CCDC30: variants seen among roughly 807,000 people sequenced by gnomAD.
CCDC30 encodes the protein coiled-coil domain-containing protein 30.
In CCDC30, 70 loss-of-function variants were observed where a neutral mutation model predicts 100.2. The ratio of observed to expected loss-of-function variants is 0.70; its 90% CI spans 0.58 to 0.85. The LOEUF is 0.85. Ranked by LOEUF, CCDC30 falls within the 40% of genes least tolerant of loss-of-function variation. CCDC30 has a pLI of 0.00. For missense variants in CCDC30, 652 were observed against 771.2 expected, an observed-to-expected ratio of 0.85 and a Z score of 1.83; for synonymous variants, 233 against 269.5, an observed-to-expected ratio of 0.86 and a Z score of 1.33.
At chr1:42,597,742 A>G (rs1389050546) in intron 10 of CCDC30, among the ~76,000 whole-genome samples, 2 of 152,152 alleles carry the variant, frequency 1.3e-5, no homozygotes, top group Admixed American at 6.6e-5. Context: ...ACTTTCAAAT[A>G]ACACTATACC....
intron 6 of CCDC30, chr1:42,500,324 C>A (rs912609841): frequency 6.2e-6 from 10 of 1,608,254 alleles, no homozygotes; most frequent in East Asian, 4.5e-5. Context: ...TCAGCCATAT[C>A]GGGTTTGTCA....
exon 5 of CCDC30, chr1:42,497,176 G>C: frequency 2.4e-6 from 3 of 1,234,150 alleles, no homozygotes; most frequent in South Asian, 4.1e-5. Flanking sequence ...AATAGGGTTC[G>C]ATCACTTGAC....
At chr1:42,548,307 T>C (rs1213794542) in intron 6 of CCDC30, among the ~76,000 whole-genome samples, 1 of 152,212 alleles carries the variant, frequency 6.6e-6, no homozygotes, top group East Asian at 1.9e-4. Context: ...GAATAGATGA[T>C]ATTCTTTAGT....
chr1:42,482,717 G>C (rs1015746206), exon 3 of CCDC30: 1 of 1,234,078 alleles, frequency 8.1e-7, no homozygotes, highest in Non-Finnish European at 1.0e-6. Flanking sequence ...CCTAGGAAGA[G>C]GAATGGAACA....
chr1:42,555,314 C>A (rs118058607), intron 6 of CCDC30, among the ~76,000 whole-genome samples: 1 of 152,214 alleles, frequency 6.6e-6, no homozygotes, highest in Non-Finnish European at 1.5e-5. Context: ...CCTTCCCCAA[C>A]GTCCATACAC....
intron 1 of CCDC30, chr1:42,473,394 T>C: frequency 2.7e-6 from 2 of 728,606 alleles, no homozygotes; most frequent in Non-Finnish European, 1.9e-6. Context: ...AATGTTTGGC[T>C]ATCACTGTAT....
intron 9 of CCDC30, among the ~76,000 whole-genome samples, chr1:42,584,818 C>A (rs1354101148): frequency 1.3e-5 from 2 of 152,100 alleles, no homozygotes; most frequent in East Asian, 1.9e-4. Context: ...TGAGTTTGAA[C>A]CTGTTCATGA....
chr1:42,646,043 A>C, intron 14 of CCDC30, 92 bp from the exon 19 acceptor site: 2 of 1,464,744 alleles, frequency 1.4e-6, no homozygotes, highest in East Asian at 2.3e-5. Flanking sequence ...ATAGCACATC[A>C]AACTCAATAT....
rs556270816 is a variant in CCDC30 at position 42,550,989 on chromosome 1, A to T, written c.457-15307A>T. Among the ~76,000 whole-genome samples the T allele has an allele frequency of 2.0e-5, 3 of 152,140 alleles. No homozygotes were observed. In the South Asian group the frequency reaches 6.2e-4, roughly 32 times the overall value. On this transcript the variant is annotated intron_variant, in intron 6 of 16. Transcript: ENST00000668663. ...TTTTATTTTTTATTCATTTTTTATT[A>T]TACTTTAAGTTCTAGGGTACATGTG... is the stretch of plus-strand genomic sequence containing the variant.
rs1173671305 is a variant in CCDC30 at position 42,638,519 on chromosome 1, A to AT, written c.1419+1142dup. Among the ~76,000 whole-genome samples the AT allele has an allele frequency of 1.1e-4, 16 of 151,412 alleles. 1 individual carries two copies. The East Asian group carries it at 2.1e-3, about 20-fold the overall frequency. ...ACTAGGAAAAGACTATGGAAAGTGT[A>AT]TAAGAAAAAGTAGTAATCCATTTTA... is the stretch of plus-strand genomic sequence containing the variant. On this transcript the variant is annotated intron_variant, in intron 12 of 16. Transcript: ENST00000668663.
At chr1:42,582,905 T>C (rs1645995312) in intron 9 of CCDC30, among the ~76,000 whole-genome samples, 1 of 152,244 alleles carries the variant, frequency 6.6e-6, no homozygotes, top group Non-Finnish European at 1.5e-5. Context: ...CTCCTGTCTG[T>C]AGCTAATCTG....
chr1:42,650,280 T>C (rs898709686), intron 15 of CCDC30, among the ~76,000 whole-genome samples: 1 of 151,846 alleles, frequency 6.6e-6, no homozygotes, highest in Admixed American at 6.6e-5. Context: ...CCCAGGAGTT[T>C]GAGACCAGCT....
intron 11 of CCDC30, among the ~76,000 whole-genome samples, chr1:42,618,785 T>G (rs1051474785): frequency 2.6e-5 from 4 of 152,204 alleles, no homozygotes; most frequent in African/African-American, 9.7e-5. Flanking sequence ...CATGTTTCCC[T>G]TATCCACATA....
chr1:42,543,883 G>C (rs143973478), intron 6 of CCDC30, among the ~76,000 whole-genome samples: 2 of 152,270 alleles, frequency 1.3e-5, no homozygotes, highest in Admixed American at 1.3e-4. Context: ...ATCTCTTAAA[G>C]TAAACTTAAA....
intron 3 of CCDC30, chr1:42,483,025 T>G (rs1643990564): frequency 2.8e-6 from 1 of 355,792 alleles, no homozygotes; most frequent in Non-Finnish European, 5.0e-6. Context: ...CTTGTAAGTG[T>G]ATACCACTCA....
At chr1:42,543,740 A>G (rs1228082044) in intron 6 of CCDC30, among the ~76,000 whole-genome samples, 1 of 152,208 alleles carries the variant, frequency 6.6e-6, no homozygotes, top group Non-Finnish European at 1.5e-5. Flanking sequence ...TGAAAGGACT[A>G]GTTCAAGACC....
chr1:42,514,632 A>G (rs530164140), intron 6 of CCDC30, among the ~76,000 whole-genome samples: 1 of 151,828 alleles, frequency 6.6e-6, no homozygotes, highest in Non-Finnish European at 1.5e-5. Flanking sequence ...TATATTTTGT[A>G]TATTAGTCTC....
intron 6 of CCDC30, among the ~76,000 whole-genome samples, chr1:42,520,167 T>C (rs61777383): frequency 0.23 from 34,589 of 151,540 alleles, 4,942 homozygotes; most frequent in Non-Finnish European, 0.31. Context: ...TTTGTTTTCC[T>C]TTTCTAGTTC....
chr1:42,500,088 A>G, intron 6 of CCDC30: 1 of 952,004 alleles, frequency 1.1e-6, no homozygotes, highest in Non-Finnish European at 1.7e-6. Flanking sequence ...GGGGCAGCAC[A>G]GTCATTTAAA....
Sources: gnomAD v4.1 joint callset for allele counts (sites outside exome capture counted in the v4.1 genomes callset) on GRCh38, gnomAD v4.1.1 for gene constraint, MANE v1.5 for transcripts, NCBI Gene and HGNC (gene_info 2026-07-23, HGNC 2026-07-21) for gene names.